Variants in CD163 observed in about 807,000 individuals in gnomAD.
CD163 encodes scavenger receptor cysteine-rich type 1 protein M130.
CD163 carries 64 observed loss-of-function variants against 129.2 expected under a neutral mutation model. That is an observed-to-expected ratio of 0.50 (90% CI 0.41 to 0.61). CD163 has a LOEUF of 0.61. Ranked by LOEUF, CD163 falls within the 20% of genes least tolerant of loss-of-function variation. The probability of loss-of-function intolerance (pLI) is 0.00; values close to 1 mark genes in which losing one functional copy is unlikely to be tolerated. For missense variants in CD163, 1,061 were observed against 1,377.9 expected (o/e 0.77, Z 3.64); for synonymous variants, 446 against 478.5 (o/e 0.93, Z 0.89).
intron 6 of CD163, among the ~76,000 whole-genome samples, chr12:7,489,212 A>G (rs1174431468): frequency 6.6e-6 from 1 of 152,048 alleles, no homozygotes; most frequent in Non-Finnish European, 1.5e-5. Flanking sequence ...GAAAACCACC[A>G]TATCTGTTGG....
rs200387627 is a variant in CD163 at position 7,486,976 on chromosome 12, G to C, written c.2061C>G (p.Ser687=). The C allele has an allele frequency of 1.0e-4, 167 of 1,613,772 alleles. No individual in the cohort carries two copies. The highest frequency in any genetic ancestry group is 1.6e-4 in the Middle Eastern group (1 of 6,062). ...VASVICSGNQ[S]QTLSSCNSSS... ...ATGAATTGCACGAGGACAGTGTTTGGGACTGGTTTCCTGCAAACACCAAGG... is the reference window on the plus strand; with the variant it reads ...ATGAATTGCACGAGGACAGTGTTTGCGACTGGTTTCCTGCAAACACCAAGG... Residue 687 remains serine, a synonymous_variant, in exon 9 of 17, where the codon TCC becomes TCG. Coordinates refer to ENST00000432237, the MANE Select transcript of CD163 (RefSeq NM_203416.4).
At chr12:7,476,936 C>A (rs997012046) in intron 16 of CD163, among the ~76,000 whole-genome samples, 1 of 152,118 alleles carries the variant, frequency 6.6e-6, no homozygotes, top group Admixed American at 6.5e-5. Context: ...AGGATATGAA[C>A]AGACACTTCT....
rs1463885911 is a variant in CD163 at position 7,486,608 on chromosome 12, C to T, written c.2349G>A (p.Leu783=). The T allele has an allele frequency of 1.2e-6, 2 of 1,614,188 alleles. No individual in the cohort carries two copies. The highest frequency in any genetic ancestry group is 1.7e-6 in the Non-Finnish European group (2 of 1,180,030). The change falls in exon 10 of 17, where the codon CTG becomes CTA. Residue 783 remains leucine, a synonymous_variant. Coordinates refer to ENST00000432237, the MANE Select transcript of CD163 (RefSeq NM_203416.4). ...CTTTTCCATTGCATTTCATCTCATC[C>T]AGCCAGATGGGCCCTGTTCCTTCCC... ...HFGEGTGPIW[L]DEMKCNGKES...
At chr12:7,481,610 A>G (rs1482514568) in intron 14 of CD163, among the ~76,000 whole-genome samples, 1 of 151,946 alleles carries the variant, frequency 6.6e-6, no homozygotes, top group African/African-American at 2.4e-5. Flanking sequence ...TTTCACCTCA[A>G]CTGTTACAAA....
At chr12:7,474,458 A>G (rs1055982278) in intron 16 of CD163, among the ~76,000 whole-genome samples, 5 of 152,212 alleles carry the variant, frequency 3.3e-5, no homozygotes, top group Non-Finnish European at 7.3e-5. Context: ...AAACTGAACA[A>G]CCTGCTCCAG....
At position 7,487,889 on chromosome 12, in the gene CD163, A is replaced by G; in HGVS notation, c.1619T>C (p.Ile540Thr). The G allele has an allele frequency of 6.2e-7, 1 of 1,614,110 alleles. No individual in the cohort carries two copies. Among genetic ancestry groups the G allele is most frequent in the Non-Finnish European group, 8.5e-7 (1 of 1,180,022 alleles). Reference sequence around the variant, plus strand: ...CTCACACTGGAATTCTTCAGCCCAGATCTGTCCATTTCCCTCTCCAAAGTG... The same window carrying G: ...CTCACACTGGAATTCTTCAGCCCAGGTCTGTCCATTTCCCTCTCCAAAGTG... ...GAHFGEGNGQ[I>T]WAEEFQCEGH... The change falls in exon 7 of 17, where the codon ATC becomes ACC. Residue 540 changes from isoleucine to threonine, a missense_variant. By Grantham distance (89) the Ile-to-Thr change is moderately conservative. Transcript: ENST00000432237. The surrounding 1 kb of genome is among the most constrained non-coding windows in gnomAD (Gnocchi z 5.1).
rs62622400 is a variant in CD163, at chr12:7,487,740, G to A, written c.1735+33C>T. 0.054 allele frequency: 87,484 copies of A among 1,613,882 alleles called. 2,708 individuals carry two copies. Among genetic ancestry groups the A allele is most frequent in the African/African-American group, 0.084 (6,317 of 75,012 alleles). ...CCTAACCCTGTCCCTTTCACAGTAT[G>A]AGAACCAATTAAAGATGTTTTCTGG... is the stretch of plus-strand genomic sequence containing the variant. On this transcript the variant is annotated intron_variant, in intron 7 of 16. Transcript: ENST00000432237. The surrounding 1 kb of genome is among the most constrained non-coding windows in gnomAD (Gnocchi z 5.1).
intron 15 of CD163, 165 bp from the exon 16 acceptor site, chr12:7,480,078 ACCAC>A: frequency 7.9e-7 from 1 of 1,259,804 alleles, no homozygotes; most frequent in Non-Finnish European, 1.1e-6. Flanking sequence ...AACTAAAAAC[ACCAC>A]CCATAACTAG....
chr12:7,474,024 A>C (rs1212615855), intron 16 of CD163, among the ~76,000 whole-genome samples: 1 of 152,202 alleles, frequency 6.6e-6, no homozygotes, highest in African/African-American at 2.4e-5. Flanking sequence ...CAACAAGAAG[A>C]GCTAACTATA....
intron 6 of CD163, among the ~76,000 whole-genome samples, chr12:7,494,874 A>G (rs1173363761): frequency 6.6e-6 from 1 of 152,192 alleles, no homozygotes; most frequent in Non-Finnish European, 1.5e-5. Flanking sequence ...AAATTACTCA[A>G]AAACCAAAGT....
chr12:7,472,557 AC>A lies in CD163; in HGVS notation c.*32-1161del, dbSNP rs201216062. 2.9e-3 allele frequency among the ~76,000 whole-genome samples: 440 copies of A among 152,306 alleles called. 18 individuals carry two copies. In the East Asian group the frequency reaches 0.07, roughly 24 times the overall value. ...CAACAAAAAGGACCCCTACACAAAA[AC>A]CCCAACAAAGGTCATCAGCTCCAAA... On this transcript the variant is annotated intron_variant, in intron 16 of 16. Transcript: ENST00000432237.
At position 7,499,175 on chromosome 12, in the gene CD163, C is replaced by T. The variant is rs1344013682; in HGVS notation, c.471G>A (p.Leu157=). 1.2e-6 allele frequency: 2 copies of T among 1,610,424 alleles called. No homozygotes were observed. Among genetic ancestry groups the T allele is most frequent in the African/African-American group, 2.7e-5 (2 of 75,016 alleles). The change falls in exon 4 of 17, where the codon TTG becomes TTA. Residue 157 remains leucine (L), a synonymous_variant. Coordinates refer to ENST00000432237, the MANE Select transcript of CD163 (RefSeq NM_203416.4). ...AGVTCSDGSN[L]EMRLTRGGNM... ...TCCCTCCACGCGTCAGCCTCATTTC[C>T]AAATTGGATCCATCTGGAGCAGAGA...
At position 7,483,613 on chromosome 12, in the gene CD163, C is replaced by G. The variant is rs753885158; in HGVS notation, c.2842G>C (p.Gly948Arg). ...CSGRVEIWHGGSWGTVCDDSW... is the reference protein window; with the variant it reads ...CSGRVEIWHGRSWGTVCDDSW... ...TCATCACACACTGTCCCCCAGGAAC[C>G]TCCATGCCAGATCTCCACACGTCCA... Residue 948 changes from glycine (G) to arginine (R), a missense_variant, in exon 12 of 17, where the codon GGT becomes CGT. By Grantham distance (125) the Gly-to-Arg change is moderately radical. Coordinates refer to ENST00000432237, the MANE Select transcript of CD163 (RefSeq NM_203416.4). The G allele has an allele frequency of 6.2e-7, 1 of 1,613,752 alleles. No individual in the cohort carries two copies. Among genetic ancestry groups the G allele is most frequent in the South Asian group, 1.1e-5 (1 of 91,060 alleles).
chr12:7,499,199 G>C lies in CD163; in HGVS notation c.458-11C>G, dbSNP rs1203751858. ...CCAAATTGGATCCATCTGGAGCAGA[G>C]AAAAGACCAGAGTTCAGAAGTTACA... On this transcript the variant is annotated splice_polypyrimidine_tract_variant and intron_variant, in intron 3 of 16. Coordinates refer to ENST00000432237, the MANE Select transcript of CD163 (RefSeq NM_203416.4). The C allele has an allele frequency of 6.3e-7, 1 of 1,595,720 alleles. No individual in the cohort carries two copies. The highest frequency in any genetic ancestry group is 2.2e-5 in the East Asian group (1 of 44,670).
At chr12:7,493,048 T>C (rs1252459378) in intron 6 of CD163, among the ~76,000 whole-genome samples, 2 of 152,160 alleles carry the variant, frequency 1.3e-5, no homozygotes, top group Non-Finnish European at 2.9e-5. Context: ...TCAGATGGCA[T>C]TGGGTTATAA....
intron 16 of CD163, among the ~76,000 whole-genome samples, chr12:7,473,365 C>T (rs1949034444): frequency 6.6e-6 from 1 of 152,216 alleles, no homozygotes; most frequent in Non-Finnish European, 1.5e-5. Flanking sequence ...ATCTGACTAA[C>T]AGCAGAACTT....
chr12:7,486,764 T>C lies in CD163; in HGVS notation c.2193A>G (p.Arg731=). The C allele has an allele frequency of 6.2e-7, 1 of 1,613,744 alleles. No individual in the cohort carries two copies. Among genetic ancestry groups the C allele is most frequent in the Non-Finnish European group, 8.5e-7 (1 of 1,179,768 alleles). The change falls in exon 10 of 17, where the codon AGA becomes AGG. Residue 731 remains arginine, a synonymous_variant. Transcript: ENST00000432237. ...LVNGGGRCAG[R]VEIYHEGSWG... ...AGGAGCCCTCATGATAGATCTCTACTCTCCCAGCACAGCGACCTCCTCCAT... is the reference window on the plus strand; with the variant it reads ...AGGAGCCCTCATGATAGATCTCTACCCTCCCAGCACAGCGACCTCCTCCAT...
At chr12:7,475,573 T>A (rs1164620310) in intron 16 of CD163, among the ~76,000 whole-genome samples, 2 of 152,158 alleles carry the variant, frequency 1.3e-5, no homozygotes, top group Admixed American at 1.3e-4. Context: ...AAACTAGATA[T>A]TGATGAAACG....
At chr12:7,481,139 G>T (rs1431644702) in intron 15 of CD163, 22 bp downstream of exon 15, 1 of 1,612,568 alleles carries the variant, frequency 6.2e-7, no homozygotes, top group African/African-American at 1.3e-5. Context: ...CTGGGCAATA[G>T]ACCCTCCAAG....
Sources: allele counts gnomAD v4.1 joint callset (sites outside exome capture counted in the v4.1 genomes callset), GRCh38; gene constraint gnomAD v4.1.1; non-coding constraint Gnocchi (gnomAD v3.1); transcripts MANE v1.5; gene names NCBI Gene and HGNC (gene_info 2026-07-23, HGNC 2026-07-21).